PHLDB3: variants seen among roughly 807,000 people sequenced by gnomAD.
The protein encoded by PHLDB3 is pleckstrin homology-like domain family B member 3.
A neutral mutation model predicts 85.7 loss-of-function variants in PHLDB3; 86 were observed. That is an observed-to-expected ratio of 1.00 (90% CI 0.84 to 1.20). PHLDB3 has a LOEUF of 1.20. Ranked by LOEUF, PHLDB3 falls within the 50% of genes most tolerant of loss-of-function variation. The pLI, the probability that PHLDB3 is intolerant of heterozygous loss-of-function variation, is 0.00. For synonymous variants in PHLDB3, 376 were observed against 349.8 expected (o/e 1.07, Z -0.83); for missense variants, 995 against 873.0 (o/e 1.14, Z -1.76).
At chr19:43,500,919 C>A (rs865985852) in intron 4 of PHLDB3, among the ~76,000 whole-genome samples, 4 of 115,504 alleles carry the variant, frequency 3.5e-5, no homozygotes, top group South Asian at 4.2e-4. Context: ...ACCCCCCCCC[C>A]ACCCCGCAAG....
At chr19:43,498,478 CAAAAAG>C (rs1305245006) in intron 4 of PHLDB3, among the ~76,000 whole-genome samples, 1 of 149,924 alleles carries the variant, frequency 6.7e-6, no homozygotes, top group African/African-American at 2.5e-5. Flanking sequence ...GAAAGAGAAA[CAAAAAG>C]GAAGGAAGGA....
chr19:43,501,556 C>T, intron 4 of PHLDB3, 178 bp downstream of exon 4: 1 of 1,237,924 alleles, frequency 8.1e-7, no homozygotes, highest in Non-Finnish European at 1.1e-6. Flanking sequence ...CCCCAAAAAT[C>T]TCGCCCAGGG....
intron 9 of PHLDB3, among the ~76,000 whole-genome samples, chr19:43,488,720 GCTA>G (rs1971242015): frequency 6.6e-6 from 1 of 152,086 alleles, no homozygotes; most frequent in African/African-American, 2.4e-5. Flanking sequence ...TGCCATCTGT[GCTA>G]GCAAAAGCCT....
intron 4 of PHLDB3, 40 bp downstream of exon 4, chr19:43,501,694 G>T: frequency 6.4e-7 from 1 of 1,570,018 alleles, no homozygotes; most frequent in Non-Finnish European, 8.6e-7. Flanking sequence ...CATGGACCAG[G>T]AAGGACACTG....
At position 43,479,404 on chromosome 19, in the gene PHLDB3, G is replaced by C; in HGVS notation, c.1675C>G (p.Gln559Glu). ...GCATAGTAGGCCAAGCGGCGGGCTT[G>C]GCGGTCAAAGCAGAACCATCGCTTC... ...WRKRWFCFDR[Q>E]ARRLAYYADK... Residue 559 changes from glutamine (Q) to glutamate (E), a missense_variant, in exon 14 of 16, where the codon CAA becomes GAA. Coordinates refer to ENST00000292140, the MANE Select transcript of PHLDB3 (RefSeq NM_198850.4). 6.4e-7 allele frequency: 1 copy of C among 1,563,420 alleles called. No individual in the cohort carries two copies. Among genetic ancestry groups the C allele is most frequent in the Non-Finnish European group, 8.7e-7 (1 of 1,154,530 alleles).
chr19:43,499,030 G>C (rs907298961), intron 4 of PHLDB3, among the ~76,000 whole-genome samples: 3 of 152,084 alleles, frequency 2.0e-5, no homozygotes, highest in African/African-American at 7.2e-5. Flanking sequence ...GAAAGGATGG[G>C]GTAGGAGCTA....
At chr19:43,502,071 CCA>C in intron 3 of PHLDB3, 28 bp downstream of exon 3, 1 of 1,548,422 alleles carries the variant, frequency 6.5e-7, no homozygotes. Flanking sequence ...TGAGTTGGGG[CCA>C]GGCTTCCCAA....
intron 9 of PHLDB3, among the ~76,000 whole-genome samples, chr19:43,487,591 A>AAAAAAAAAAAAAAACAAAAC (rs1167897767): frequency 8.6e-6 from 1 of 115,770 alleles, no homozygotes; most frequent in Non-Finnish European, 1.9e-5. Flanking sequence ...AAAAAAAAAA[A>AAAAAAAAAAAAAAACAAAAC]ACACAGAAAA....
At chr19:43,480,169 G>C (rs890142868) in intron 13 of PHLDB3, among the ~76,000 whole-genome samples, 15 of 147,810 alleles carry the variant, frequency 1.0e-4, no homozygotes, top group African/African-American at 3.5e-4. Context: ...GCTTAAGCCT[G>C]TAATTCCAGC....
chr19:43,495,394 G>A (rs1971430129), intron 7 of PHLDB3, 55 bp from the exon 8 acceptor site: 2 of 1,600,536 alleles, frequency 1.2e-6, no homozygotes, highest in South Asian at 2.2e-5. Flanking sequence ...TGTCCCAGCT[G>A]CTTTCCCTAA....
Position 43,497,270 on chromosome 19 carries a change from G to A in PHLDB3, c.673C>T (p.Gln225Ter). 6.8e-7 allele frequency: 1 copy of A among 1,461,668 alleles called. No individual in the cohort carries two copies. Among genetic ancestry groups the A allele is most frequent in the Non-Finnish European group, 9.0e-7 (1 of 1,106,310 alleles). 90.5% of individuals were successfully genotyped at this position (1,461,668 alleles called of 1,614,324 possible). A position where few individuals can be genotyped will look rare whatever the true frequency, so the allele number is the denominator to read the frequency against. The change falls in exon 6 of 16, where the codon CAA becomes TAA. Residue 225 changes from glutamine to a stop codon, truncating the protein, a stop_gained. Transcript: ENST00000292140. LOFTEE classifies it high-confidence loss of function. ...TAGGCACGTTGGGCCACATCCAGTTGTTCCCTCATCTATAGGTCGGAACAC... is the reference window on the plus strand; with the variant it reads ...TAGGCACGTTGGGCCACATCCAGTTATTCCCTCATCTATAGGTCGGAACAC... The part of the protein sequence containing the change: ...LLQGVQEMRE[Q>*]LDVAQRAYED...
Position 43,497,189 on chromosome 19 carries a change from G to A in PHLDB3, c.754C>T (p.Arg252Trp), listed in dbSNP as rs138779923. The change falls in exon 6 of 16, where the codon CGG becomes TGG. Residue 252 changes from arginine to tryptophan, a missense_variant. Physicochemically the swap from Arg to Trp is moderately radical, Grantham distance 101. Coordinates refer to ENST00000292140, the MANE Select transcript of PHLDB3 (RefSeq NM_198850.4). ...ERESRQEEED[R>W]DSPGPQVPDP... ...GGCACCTGGGGCCCAGGGCTGTCCC[G>A]ATCCTCCTCCTCCTGCCGGCTCTCC... is the stretch of plus-strand genomic sequence containing the variant. 3.7e-4 allele frequency: 577 copies of A among 1,564,646 alleles called. 3 individuals are homozygous for A. In the African/African-American group the frequency reaches 6.0e-3, roughly 16 times the overall value.
intron 4 of PHLDB3, among the ~76,000 whole-genome samples, chr19:43,499,594 T>C (rs952440265): frequency 3.0e-4 from 45 of 151,956 alleles, no homozygotes; most frequent in African/African-American, 1.1e-3. Flanking sequence ...AATGAGGGCC[T>C]AGGACCCAGC....
chr19:43,493,932 C>T (rs1315858825), intron 9 of PHLDB3, among the ~76,000 whole-genome samples: 1 of 152,092 alleles, frequency 6.6e-6, no homozygotes, highest in African/African-American at 2.4e-5. Flanking sequence ...GCATCCCTAA[C>T]CTAAAACTCT....
rs763717717 is a variant in PHLDB3 at position 43,494,741 on chromosome 19, A to G, written c.1110T>C (p.Pro370=). 6.2e-7 allele frequency: 1 copy of G among 1,613,366 alleles called. No homozygotes were observed. The highest frequency in any genetic ancestry group is 8.5e-7 in the Non-Finnish European group (1 of 1,179,748). ...GGACAGAAAAGAGGCAGGAAGAAGTAGGGGTGGCAGCGGAGTGGGCCACGG... is the reference window on the plus strand; with the variant it reads ...GGACAGAAAAGAGGCAGGAAGAAGTGGGGGTGGCAGCGGAGTGGGCCACGG... The part of the protein sequence containing the change: ...QDAVAHSAAT[P]TSSCLFSVHS... The change falls in exon 9 of 16, where the codon CCT becomes CCC. Residue 370 remains proline (P), a synonymous_variant. Coordinates refer to ENST00000292140, the MANE Select transcript of PHLDB3 (RefSeq NM_198850.4).
chr19:43,502,241 C>A lies in PHLDB3; in HGVS notation c.256G>T (p.Ala86Ser), dbSNP rs767483225. The change falls in exon 3 of 16, where the codon GCA becomes TCA. Residue 86 changes from alanine (A) to serine (S), a missense_variant. Coordinates refer to ENST00000292140, the MANE Select transcript of PHLDB3 (RefSeq NM_198850.4). ...PPIAMAATPPASTSSREGVRG... is the reference protein window; with the variant it reads ...PPIAMAATPPSSTSSREGVRG... Reference sequence around the variant, plus strand: ...ACCCCTTCCCGCGAAGAGGTGGATGCGGGAGGTGTGGCCGCCATAGCTATC... The same window carrying A: ...ACCCCTTCCCGCGAAGAGGTGGATGAGGGAGGTGTGGCCGCCATAGCTATC... 127 of 1,563,284 alleles carry A rather than the reference C, an allele frequency of 8.1e-5. No individual in the cohort carries two copies. Among genetic ancestry groups the A allele is most frequent in the Non-Finnish European group, 7.8e-6 (9 of 1,156,050 alleles).
intron 9 of PHLDB3, among the ~76,000 whole-genome samples, chr19:43,492,570 G>C (rs1228281582): frequency 6.6e-6 from 1 of 151,304 alleles, no homozygotes; most frequent in Non-Finnish European, 1.5e-5. Context: ...TTGAGCCTGG[G>C]AGGCAGATCG....
At chr19:43,495,179 C>T in intron 8 of PHLDB3, 77 bp downstream of exon 8, 1 of 1,194,074 alleles carries the variant, frequency 8.4e-7, no homozygotes, top group Non-Finnish European at 1.2e-6. Context: ...ACTCCTGCGT[C>T]TGAGGGAGGA....
Position 43,486,255 on chromosome 19 carries a change from G to A in PHLDB3, c.1485+11C>T. The A allele has an allele frequency of 1.3e-6, 2 of 1,555,426 alleles. No individual in the cohort carries two copies. Among genetic ancestry groups the A allele is most frequent in the South Asian group, 1.1e-5 (1 of 88,960 alleles). On this transcript the variant is annotated intron_variant, in intron 13 of 15. Transcript: ENST00000292140. ...GGGAGAGGTGGGCGTGAGGGCGGGG[G>A]TGGGACTGACCGTGATGGCAGGAAC...
Sources: allele counts gnomAD v4.1 joint callset (sites outside exome capture counted in the v4.1 genomes callset), GRCh38; gene constraint gnomAD v4.1.1; transcripts MANE v1.5; gene names NCBI Gene and HGNC (gene_info 2026-07-23, HGNC 2026-07-21).